The following TAF8 variants were observed in gnomAD, a reference collection of about 807,000 sequenced individuals.
TAF8 encodes the protein transcription initiation factor TFIID subunit 8.
In TAF8, 47 loss-of-function variants were observed where a neutral mutation model predicts 36.5. The ratio of observed to expected loss-of-function variants is 1.29; its 90% CI spans 1.02 to 1.64. The LOEUF is 1.64. Among genes scored for constraint, TAF8 ranks in the 40% most tolerant of loss-of-function variants. The probability of loss-of-function intolerance (pLI) is 0.00; values close to 1 mark genes in which losing one functional copy is unlikely to be tolerated. For synonymous variants in TAF8, 175 were observed against 159.5 expected, an observed-to-expected ratio of 1.10 and a Z score of -0.73; for missense variants, 420 against 407.6, an observed-to-expected ratio of 1.03 and a Z score of -0.26.
chr6:42,057,311 G>A, intron 4 of TAF8, 78 bp from the exon 5 acceptor site: 1 of 1,578,382 alleles, frequency 6.3e-7, no homozygotes, highest in Non-Finnish European at 8.6e-7. Context: ...TTGAGAAAAG[G>A]AGGCTTTGGG....
At chr6:42,059,735 G>A (rs995054333) in intron 5 of TAF8, among the ~76,000 whole-genome samples, 9 of 152,204 alleles carry the variant, frequency 5.9e-5, no homozygotes, top group Non-Finnish European at 4.4e-5. Context: ...AGTTAGTTTA[G>A]CCTCCGCCCA....
intron 6 of TAF8, among the ~76,000 whole-genome samples, chr6:42,067,779 G>C (rs1765417776): frequency 6.6e-6 from 1 of 151,200 alleles, no homozygotes. Context: ...TGCCCAGGCT[G>C]GTCTCAAACT....
Position 42,065,999 on chromosome 6 carries a change from C to A in TAF8, c.490-313C>A, listed in dbSNP as rs1260680594. On this transcript the variant is annotated intron_variant, in intron 5 of 8. Transcript: ENST00000372977. The stretch of plus-strand genomic sequence containing the variant: ...CACTGCAACCTCCGCCTCCTGGGTT[C>A]AAGCGATTCTCCTGCCTCAGCCTCC... Among the ~76,000 whole-genome samples, 3 of 152,180 alleles carry A rather than the reference C, an allele frequency of 2.0e-5. No homozygotes were observed. In the East Asian group the frequency reaches 5.8e-4, roughly 29 times the overall value.
chr6:42,057,418 A>AC lies in TAF8; in HGVS notation c.394_395insC (p.Lys132ThrfsTer21). 6.2e-7 allele frequency: 1 copy of AC among 1,614,050 alleles called. No homozygotes were observed. The highest frequency in any genetic ancestry group is 8.5e-7 in the Non-Finnish European group (1 of 1,180,010). On this transcript the variant is annotated frameshift_variant, in exon 5 of 9. Transcript: ENST00000372977. LOFTEE classifies it high-confidence loss of function. ...GGTGACCAATCAGCCAGTGACCCCC[A>AC]AGGCCCTCACTGCAGGGCAGAACCG...
rs2493838 is a variant in TAF8, at chr6:42,075,664, C to T, written c.781-1436C>T. Among the ~76,000 whole-genome samples the T allele has an allele frequency of 1.5e-3, 231 of 151,920 alleles. 1 individual carries two copies. Among genetic ancestry groups the T allele is most frequent in the African/African-American group, 5.5e-3 (226 of 41,302 alleles). ...AGAACAGGAATCTCAATGACTTCTT[C>T]CCCGTGGAAGAACTTCTTCCCCTTG... is the stretch of plus-strand genomic sequence containing the variant. On this transcript the variant is annotated intron_variant, in intron 7 of 8. Coordinates refer to ENST00000372977, the MANE Select transcript of TAF8 (RefSeq NM_138572.3).
At chr6:42,086,867 G>T (rs1766037194), downstream of TAF8, 3 of 1,023,490 alleles carry the variant, frequency 2.9e-6, no homozygotes, top group Admixed American at 2.0e-5. Flanking sequence ...AGCCCTTGCT[G>T]GTGCAGATGC....
chr6:42,058,099 A>G (rs1015952699), intron 5 of TAF8, among the ~76,000 whole-genome samples: 15 of 152,014 alleles, frequency 9.9e-5, no homozygotes, highest in African/African-American at 3.4e-4. Flanking sequence ...AATATTTAGT[A>G]ATGGCCGGGA....
intron 7 of TAF8, among the ~76,000 whole-genome samples, chr6:42,070,214 C>A (rs113333281): frequency 2.0e-5 from 3 of 151,946 alleles, no homozygotes; most frequent in Admixed American, 6.6e-5. Flanking sequence ...AAAGGCCGGG[C>A]GCGGTGGCTC....
In TAF8 at chr6:42,066,417, G is replaced by A. The variant is rs544595066; in HGVS notation, c.595G>A (p.Glu199Lys). The change falls in exon 6 of 9, where the codon GAG becomes AAG. Residue 199 changes from glutamate (E) to lysine (K), a missense_variant. Glu to Lys is a moderately conservative substitution (Grantham distance 56). Transcript: ENST00000372977. ...TACCCGTTTCATGGCCAAGACAGGCGAGACTCAGAGTCTTTTCAAAGATGA... is the reference window on the plus strand; with the variant it reads ...TACCCGTTTCATGGCCAAGACAGGCAAGACTCAGAGTCTTTTCAAAGATGA... ...ALTRFMAKTG[E>K]TQSLFKDDVS... 6.3e-5 allele frequency: 101 copies of A among 1,614,230 alleles called. No homozygotes were observed. In the South Asian group the frequency reaches 1.1e-3, roughly 17 times the overall value.
intron 7 of TAF8, among the ~76,000 whole-genome samples, chr6:42,075,094 AGCTT>A (rs1276508098): frequency 1.3e-5 from 2 of 152,278 alleles, no homozygotes; most frequent in African/African-American, 4.8e-5. Flanking sequence ...GGTTGAAGTG[AGCTT>A]CCAGTAACTT....
rs1037393878 is a variant in TAF8, at chr6:42,070,616, C to T, written c.780+2009C>T. On this transcript the variant is annotated intron_variant, in intron 7 of 8. Coordinates refer to ENST00000372977, the MANE Select transcript of TAF8 (RefSeq NM_138572.3). The stretch of plus-strand genomic sequence containing the variant: ...TGCAAATATTGAACATTTCCATTGG[C>T]ACAGAAAGTCGTGTGGTGTTCCTGC... Among the ~76,000 whole-genome samples the T allele has an allele frequency of 3.0e-4, 46 of 152,142 alleles. 1 individual carries two copies. The highest frequency in any genetic ancestry group is 7.4e-5 in the Non-Finnish European group (5 of 68,026).
chr6:42,067,576 T>C (rs1178484271), intron 6 of TAF8, among the ~76,000 whole-genome samples: 1 of 151,958 alleles, frequency 6.6e-6, no homozygotes, highest in African/African-American at 2.4e-5. Context: ...AGACTTTTTC[T>C]TTTTCTGTTT....
At position 42,080,835 on chromosome 6, in the gene TAF8, G is replaced by A; in HGVS notation, c.*3290G>A. On this transcript the variant is annotated 3_prime_UTR_variant, in exon 9 of 9. Coordinates refer to ENST00000372977, the MANE Select transcript of TAF8 (RefSeq NM_138572.3). ...TGGGACTTCTTAGAGGCCAAAAGTA[G>A]TAAACATGCAGATTAAAAATGTTTA... 1.0e-6 allele frequency: 1 copy of A among 978,724 alleles called. No individual in the cohort carries two copies. The highest frequency in any genetic ancestry group is 1.2e-6 in the Non-Finnish European group (1 of 823,926). 60.6% of individuals were successfully genotyped at this position (978,724 alleles called of 1,614,324 possible).
chr6:42,054,200 A>G (rs776286975), intron 2 of TAF8, among the ~76,000 whole-genome samples: 18 of 152,252 alleles, frequency 1.2e-4, no homozygotes, highest in African/African-American at 3.9e-4. Flanking sequence ...CAAAAACTCC[A>G]TCTTAGAAAC....
At chr6:42,070,409 G>A (rs1365579026) in intron 7 of TAF8, among the ~76,000 whole-genome samples, 2 of 152,154 alleles carry the variant, frequency 1.3e-5, no homozygotes, top group Admixed American at 6.5e-5. Context: ...GGAGAATGGC[G>A]TGAACCTGGG....
Position 42,078,731 on chromosome 6 carries a change from C to T in TAF8, c.*1186C>T, listed in dbSNP as rs1404735454. 1 of 985,356 alleles carries T rather than the reference C, an allele frequency of 1.0e-6. No individual in the cohort carries two copies. The highest frequency in any genetic ancestry group is 6.1e-5 in the Admixed American group (1 of 16,268). The allele number at this position is 985,356 out of a possible 1,614,324, so 61.0% of individuals were successfully genotyped here. ...AATGTGTGCTTGGGAACTGCCAAGT[C>T]TTACCCCTTCTGGAAGAAGAGGTTT... On this transcript the variant is annotated 3_prime_UTR_variant, in exon 9 of 9. Coordinates refer to ENST00000372977, the MANE Select transcript of TAF8 (RefSeq NM_138572.3).
intron 5 of TAF8, among the ~76,000 whole-genome samples, chr6:42,065,764 C>T (rs1406561636): frequency 6.6e-6 from 1 of 152,202 alleles, no homozygotes; most frequent in East Asian, 1.9e-4. Context: ...ACAATCTCTA[C>T]AGTAAATATT....
intron 7 of TAF8, among the ~76,000 whole-genome samples, chr6:42,070,944 TG>T (rs1765544257): frequency 6.6e-6 from 1 of 151,846 alleles, no homozygotes; most frequent in African/African-American, 2.4e-5. Flanking sequence ...GGCAAGGAGG[TG>T]TTCTAGTCCT....
At chr6:42,052,320 C>G (rs1030156052) in intron 2 of TAF8, among the ~76,000 whole-genome samples, 79 of 150,100 alleles carry the variant, frequency 5.3e-4, no homozygotes, top group Non-Finnish European at 1.0e-3. Context: ...GGGAAAAGCC[C>G]CCCCCCCCTT....
Sources: allele counts gnomAD v4.1 joint callset (sites outside exome capture counted in the v4.1 genomes callset), GRCh38; gene constraint gnomAD v4.1.1; transcripts MANE v1.5; gene names NCBI Gene and HGNC (gene_info 2026-07-23, HGNC 2026-07-21).